ANKS1B: variants seen among roughly 807,000 people sequenced by gnomAD.
The protein encoded by ANKS1B is ankyrin repeat and sterile alpha motif domain-containing protein 1B.
A neutral mutation model predicts 148.3 loss-of-function variants in ANKS1B; 36 were observed. That is an observed-to-expected ratio of 0.24 (90% CI 0.19 to 0.32). The LOEUF is 0.32. Ranked by LOEUF, ANKS1B falls within the 10% of genes least tolerant of loss-of-function variation. The pLI is 1.00. For missense variants in ANKS1B, 1,157 were observed against 1,542.6 expected, an observed-to-expected ratio of 0.75 and a Z score of 4.19; for synonymous variants, 542 against 560.8, an observed-to-expected ratio of 0.97 and a Z score of 0.47.
intron 9 of ANKS1B, among the ~76,000 whole-genome samples, chr12:99,546,681 G>A (rs570709084): frequency 5.9e-5 from 9 of 152,274 alleles, no homozygotes; most frequent in Admixed American, 4.6e-4. Flanking sequence ...AAAACTGAAC[G>A]TTAAGGGTTC....
intron 1 of ANKS1B, among the ~76,000 whole-genome samples, chr12:99,921,607 A>C (rs2094354745): frequency 6.6e-6 from 1 of 152,146 alleles, no homozygotes; most frequent in Non-Finnish European, 1.5e-5. Flanking sequence ...CCCCCAAAAA[A>C]TCTACTCACC....
At chr12:99,317,380 G>A (rs1324934474) in intron 12 of ANKS1B, among the ~76,000 whole-genome samples, 3 of 152,088 alleles carry the variant, frequency 2.0e-5, no homozygotes, top group South Asian at 2.1e-4. Flanking sequence ...GGTCCTTCAT[G>A]TTCCTTGTAA....
At chr12:99,597,775 C>A (rs770351979) in intron 9 of ANKS1B, among the ~76,000 whole-genome samples, 24 of 152,008 alleles carry the variant, frequency 1.6e-4, no homozygotes, top group South Asian at 4.1e-4. Context: ...TCGAATGGCG[C>A]CTATAAAATG....
intron 1 of ANKS1B, among the ~76,000 whole-genome samples, chr12:99,879,362 T>C (rs1486114661): frequency 6.6e-6 from 1 of 152,202 alleles, no homozygotes; most frequent in Non-Finnish European, 1.5e-5. Flanking sequence ...TACTTTGCAG[T>C]CTCTCAGGTT....
In ANKS1B at chr12:99,664,126, AT is replaced by A. The variant is rs1366419967; in HGVS notation, c.1129-8917del. On this transcript the variant is annotated intron_variant, in intron 8 of 26. Coordinates refer to ENST00000683438, the MANE Select transcript of ANKS1B (RefSeq NM_001352186.2). Reference sequence around the variant, plus strand: ...ACGCAGAAGCTAATTTCAAAAAAAAATGTTAAAGTCACCTTAGAAAGTTTAA... The same window carrying A: ...ACGCAGAAGCTAATTTCAAAAAAAAAGTTAAAGTCACCTTAGAAAGTTTAA... Among the ~76,000 whole-genome samples the A allele has an allele frequency of 5.3e-5, 8 of 152,190 alleles. No individual in the cohort carries two copies. The South Asian group carries it at 1.2e-3, about 24-fold the overall frequency.
chr12:99,950,041 G>A (rs1410186892), intron 1 of ANKS1B, among the ~76,000 whole-genome samples: 1 of 151,774 alleles, frequency 6.6e-6, no homozygotes, highest in Non-Finnish European at 1.5e-5. Context: ...GCTCACTGCA[G>A]GCTAAAGCAA....
chr12:99,844,662 G>C (rs1357011530), intron 1 of ANKS1B, among the ~76,000 whole-genome samples: 1 of 152,114 alleles, frequency 6.6e-6, no homozygotes. Context: ...TTTGATGTCA[G>C]GTAGCATGAT....
intron 4 of ANKS1B, among the ~76,000 whole-genome samples, chr12:99,801,913 T>C (rs1294947198): frequency 1.3e-5 from 2 of 152,076 alleles, no homozygotes; most frequent in Non-Finnish European, 2.9e-5. Context: ...TGGTGGAAAT[T>C]TGTGATTGCT....
At chr12:98,768,884 G>C (rs12369108) in intron 25 of ANKS1B, among the ~76,000 whole-genome samples, 23,354 of 151,584 alleles carry the variant, frequency 0.15, 1,879 homozygotes, top group Non-Finnish European at 0.17. Context: ...GCTTCTGTAG[G>C]GGGGGCTCCA....
intron 12 of ANKS1B, among the ~76,000 whole-genome samples, chr12:99,301,231 C>T (rs1358481259): frequency 6.6e-6 from 1 of 152,192 alleles, no homozygotes; most frequent in African/African-American, 2.4e-5. Context: ...GGCAGATTGT[C>T]TTTACTCAGT....
chr12:99,790,192 G>A (rs1187646972), intron 4 of ANKS1B, among the ~76,000 whole-genome samples: 4 of 152,174 alleles, frequency 2.6e-5, no homozygotes, highest in African/African-American at 9.6e-5. Flanking sequence ...AATCTTACAG[G>A]TCAGGAGAGA....
intron 8 of ANKS1B, among the ~76,000 whole-genome samples, chr12:99,671,887 C>G (rs73143663): frequency 0.12 from 18,321 of 151,942 alleles, 1,730 homozygotes; most frequent in East Asian, 0.46. Flanking sequence ...TATTAATTAA[C>G]GCTAGCCAAA....
chr12:98,884,939 G>C (rs958089353), intron 17 of ANKS1B, among the ~76,000 whole-genome samples: 1 of 151,802 alleles, frequency 6.6e-6, no homozygotes, highest in African/African-American at 2.4e-5. Context: ...TGGATGTCAA[G>C]TTTCTCAAAC....
At chr12:99,269,258 T>A (rs1333065603) in intron 12 of ANKS1B, among the ~76,000 whole-genome samples, 1 of 152,226 alleles carries the variant, frequency 6.6e-6, no homozygotes, top group African/African-American at 2.4e-5. Context: ...ATTTTTTTAT[T>A]TTCCTGTTTT....
At chr12:99,639,582 A>C (rs1004031626) in intron 9 of ANKS1B, among the ~76,000 whole-genome samples, 1 of 152,060 alleles carries the variant, frequency 6.6e-6, no homozygotes, top group African/African-American at 2.4e-5. Flanking sequence ...ACCCAGTTGG[A>C]GGCAATTGGA....
At chr12:99,686,210 T>C (rs11109996) in intron 8 of ANKS1B, among the ~76,000 whole-genome samples, 21,819 of 152,168 alleles carry the variant, frequency 0.14, 2,238 homozygotes, top group East Asian at 0.46. Context: ...TGCTACATGA[T>C]GAACCATAAC....
chr12:99,292,447 G>A (rs554588594), intron 12 of ANKS1B, among the ~76,000 whole-genome samples: 107 of 151,246 alleles, frequency 7.1e-4, no homozygotes, highest in African/African-American at 1.9e-3. Flanking sequence ...CCTGGGAGGC[G>A]GAGCTTTCAG....
At chr12:98,748,766 G>A (rs1219524559) in intron 26 of ANKS1B, among the ~76,000 whole-genome samples, 1 of 152,148 alleles carries the variant, frequency 6.6e-6, no homozygotes, top group Non-Finnish European at 1.5e-5. Flanking sequence ...TTCCCTTGAA[G>A]GCATCTGGAT....
chr12:99,250,084 A>T (rs957270858), intron 12 of ANKS1B, among the ~76,000 whole-genome samples: 3 of 152,160 alleles, frequency 2.0e-5, no homozygotes, highest in Non-Finnish European at 2.9e-5. Flanking sequence ...AGGCTGACAA[A>T]GTGAGGGGAG....
Sources: gnomAD v4.1 joint callset for allele counts (sites outside exome capture counted in the v4.1 genomes callset) on GRCh38, gnomAD v4.1.1 for gene constraint, MANE v1.5 for transcripts, NCBI Gene and HGNC (gene_info 2026-07-23, HGNC 2026-07-21) for gene names.